THSD4: variants seen among roughly 807,000 people sequenced by gnomAD.
The protein encoded by THSD4 is thrombospondin type 1 domain containing 4.
In THSD4, 69 loss-of-function variants were observed where a neutral mutation model predicts 119.0. That is an observed-to-expected ratio of 0.58 (90% CI 0.48 to 0.71). THSD4 has a LOEUF of 0.71. THSD4 is among the 30% of genes least tolerant of loss of function. The probability of loss-of-function intolerance (pLI) is 0.00; values close to 1 mark genes in which losing one functional copy is unlikely to be tolerated. For synonymous variants in THSD4, 524 were observed against 540.4 expected, an observed-to-expected ratio of 0.97 and a Z score of 0.42; for missense variants, 1,393 against 1,391.1, an observed-to-expected ratio of 1.00 and a Z score of -0.02.
intron 6 of THSD4, among the ~76,000 whole-genome samples, chr15:71,303,648 A>G (rs1007170191): frequency 3.3e-5 from 5 of 152,172 alleles, no homozygotes; most frequent in Non-Finnish European, 5.9e-5. Flanking sequence ...TACCATTCAC[A>G]GAAGTCTTGC....
At chr15:71,488,488 A>G (rs1419886044) in intron 7 of THSD4, among the ~76,000 whole-genome samples, 2 of 151,928 alleles carry the variant, frequency 1.3e-5, no homozygotes, top group African/African-American at 2.4e-5. Context: ...AATAAGTTTG[A>G]GATTTCCTGT....
rs1019789459 is a variant in THSD4, at chr15:71,672,301, G to A, written c.1357+11567G>A. Among the ~76,000 whole-genome samples the A allele has an allele frequency of 2.0e-4, 31 of 152,172 alleles. 2 individuals carry two copies. Among genetic ancestry groups the A allele is most frequent in the Non-Finnish European group, 5.9e-5 (4 of 68,032 alleles). On this transcript the variant is annotated intron_variant, in intron 8 of 17. Transcript: ENST00000261862. Reference sequence around the variant, plus strand: ...GGCTCTCTGTTTGTCTGTTGCTGGTGTATAGGAATGCTTGTGATTTTTGCA... The same window carrying A: ...GGCTCTCTGTTTGTCTGTTGCTGGTATATAGGAATGCTTGTGATTTTTGCA...
chr15:71,197,023 A>T (rs1227391439), intron 3 of THSD4, among the ~76,000 whole-genome samples: 1 of 152,156 alleles, frequency 6.6e-6, no homozygotes, highest in Non-Finnish European at 1.5e-5. Flanking sequence ...CTGGCCTTGT[A>T]TTTGGGCAAG....
At chr15:71,481,404 A>T (rs543401209) in intron 7 of THSD4, among the ~76,000 whole-genome samples, 1 of 152,370 alleles carries the variant, frequency 6.6e-6, no homozygotes, top group South Asian at 2.1e-4. Context: ...AAGTTTTTAA[A>T]AATAGACATA....
chr15:71,617,188 A>G (rs979341063), intron 7 of THSD4, among the ~76,000 whole-genome samples: 1 of 152,206 alleles, frequency 6.6e-6, no homozygotes, highest in African/African-American at 2.4e-5. Flanking sequence ...CAAATTTCCT[A>G]TCCTCCAGTT....
At chr15:71,602,267 G>C (rs766337244) in intron 7 of THSD4, among the ~76,000 whole-genome samples, 1 of 151,900 alleles carries the variant, frequency 6.6e-6, no homozygotes, top group Non-Finnish European at 1.5e-5. Context: ...TTGAAAAATG[G>C]TCTCGGCCAG....
intron 6 of THSD4, among the ~76,000 whole-genome samples, chr15:71,323,391 G>C (rs932986858): frequency 2.6e-5 from 4 of 152,200 alleles, no homozygotes; most frequent in African/African-American, 9.7e-5. Flanking sequence ...CATGGTAGCA[G>C]CTTAGAAAAG....
rs183579993 is a variant in THSD4, at chr15:71,210,206, C to T, written c.100-4829C>T. Among the ~76,000 whole-genome samples the T allele has an allele frequency of 1.5e-3, 231 of 152,172 alleles. 2 individuals are homozygous for T. Among genetic ancestry groups the T allele is most frequent in the Admixed American group, 3.9e-3 (60 of 15,282 alleles). On this transcript the variant is annotated intron_variant, in intron 3 of 17. Transcript: ENST00000261862. ...TATCCTGGGTGCTCATGAACTGTTA[C>T]GAATTTTTTGAACTCTAGAAATAAA...
chr15:71,590,399 T>G (rs907120349), intron 7 of THSD4, among the ~76,000 whole-genome samples: 3 of 137,586 alleles, frequency 2.2e-5, no homozygotes, highest in Admixed American at 7.4e-5. Context: ...CATGATCATG[T>G]CCTTTGCAGG....
intron 7 of THSD4, among the ~76,000 whole-genome samples, chr15:71,544,101 C>A (rs933393676): frequency 1.3e-5 from 2 of 152,184 alleles, no homozygotes; most frequent in South Asian, 2.1e-4. Flanking sequence ...GATGGCCCAA[C>A]AAGGGCAGAT....
chr15:71,709,110 ATTC>A (rs1183247328), intron 8 of THSD4, among the ~76,000 whole-genome samples: 1 of 152,230 alleles, frequency 6.6e-6, no homozygotes, highest in Non-Finnish European at 1.5e-5. Flanking sequence ...GGGCACGCCT[ATTC>A]TTTGCTCTAA....
At chr15:71,591,062 G>A (rs901248348) in intron 7 of THSD4, among the ~76,000 whole-genome samples, 9 of 140,720 alleles carry the variant, frequency 6.4e-5, no homozygotes, top group African/African-American at 1.3e-4. Flanking sequence ...AGAATAGTCC[G>A]TTCTCATATG....
chr15:71,660,106 C>T (rs567988427), intron 7 of THSD4, among the ~76,000 whole-genome samples: 1 of 152,276 alleles, frequency 6.6e-6, no homozygotes, highest in Non-Finnish European at 1.5e-5. Context: ...AGGTACTTTG[C>T]TAAGAGTAGC....
intron 6 of THSD4, among the ~76,000 whole-genome samples, chr15:71,291,360 G>A (rs567535911): frequency 2.6e-5 from 4 of 152,124 alleles, no homozygotes; most frequent in African/African-American, 7.2e-5. Context: ...CACATAGTTA[G>A]GGAGGCTGAG....
intron 3 of THSD4, among the ~76,000 whole-genome samples, chr15:71,181,250 GA>G (rs2043522110): frequency 1.3e-5 from 2 of 152,212 alleles, no homozygotes; most frequent in South Asian, 4.1e-4. Flanking sequence ...TTCTACTTAT[GA>G]AAAAAATAAA....
intron 7 of THSD4, among the ~76,000 whole-genome samples, chr15:71,551,186 T>C (rs1280979767): frequency 6.6e-6 from 1 of 152,176 alleles, no homozygotes; most frequent in African/African-American, 2.4e-5. Context: ...GAAAAGCAAA[T>C]TGAATGTGCA....
Position 71,746,918 on chromosome 15 carries a change from T to C in THSD4, c.2117T>C (p.Val706Ala). The change falls in exon 13 of 18, where the codon GTG (valine) becomes GCG (alanine). Residue 706 changes from valine (V) to alanine (A), a missense_variant. Val to Ala is a moderately conservative substitution (Grantham distance 64). Coordinates refer to ENST00000261862, the MANE Select transcript of THSD4 (RefSeq NM_024817.3). ...CACCGCCAGGTTCTGTGCCGCCAGG[T>C]GTACGCCAACCGCAGCCTGACGGTG... ...MQHRQVLCRQ[V>A]YANRSLTVQP... The C allele has an allele frequency of 1.2e-6, 2 of 1,613,938 alleles. No homozygotes were observed. Among genetic ancestry groups the C allele is most frequent in the East Asian group, 2.2e-5 (1 of 44,864 alleles).
intron 7 of THSD4, among the ~76,000 whole-genome samples, chr15:71,548,443 C>T (rs2048873441): frequency 6.6e-6 from 1 of 152,214 alleles, no homozygotes; most frequent in Non-Finnish European, 1.5e-5. Flanking sequence ...TAATTACTTT[C>T]CCTTGTCTAA....
At chr15:71,190,333 G>A (rs969986274) in intron 3 of THSD4, among the ~76,000 whole-genome samples, 1 of 152,196 alleles carries the variant, frequency 6.6e-6, no homozygotes, top group Non-Finnish European at 1.5e-5. Context: ...CTGGGGAGTG[G>A]TTCTTGACAT....
Sources: gnomAD v4.1 joint callset for allele counts (sites outside exome capture counted in the v4.1 genomes callset) on GRCh38, gnomAD v4.1.1 for gene constraint, MANE v1.5 for transcripts, NCBI Gene and HGNC (gene_info 2026-07-23, HGNC 2026-07-21) for gene names.